Variants in KIAA0040 observed in about 807,000 individuals in gnomAD.
KIAA0040 encodes the protein uncharacterized protein KIAA0040.
KIAA0040 carries 10 observed loss-of-function variants against 7.2 expected under a neutral mutation model. The ratio of observed to expected loss-of-function variants is 1.38; its 90% CI spans 0.85 to 2.34. The LOEUF (loss-of-function observed/expected upper bound fraction) is 2.34. Ranked by LOEUF, KIAA0040 falls within the 30% of genes most tolerant of loss-of-function variation. KIAA0040 has a pLI of 0.00. For synonymous variants in KIAA0040, 49 were observed against 40.1 expected (o/e 1.22, Z -0.84); for missense variants, 89 against 108.2 (o/e 0.82, Z 0.79).
At chr1:175,166,982 C>T (rs571782233) in intron 2 of KIAA0040, among the ~76,000 whole-genome samples, 8 of 152,262 alleles carry the variant, frequency 5.3e-5, no homozygotes, top group African/African-American at 1.7e-4. Flanking sequence ...AAACCAGATC[C>T]CTGTCCTTTC....
intron 1 of KIAA0040, among the ~76,000 whole-genome samples, chr1:175,186,903 G>C (rs1033209861): frequency 1.3e-5 from 2 of 152,172 alleles, no homozygotes; most frequent in African/African-American, 2.4e-5. Flanking sequence ...AATGATGTGG[G>C]TCACCCATGT....
chr1:175,171,486 G>T (rs902248280), intron 2 of KIAA0040, among the ~76,000 whole-genome samples: 2 of 152,212 alleles, frequency 1.3e-5, no homozygotes, highest in African/African-American at 4.8e-5. Flanking sequence ...GGCAAACCAG[G>T]TCACTGGGGA....
intron 1 of KIAA0040, among the ~76,000 whole-genome samples, chr1:175,189,412 T>A (rs1368626985): frequency 6.6e-6 from 1 of 152,204 alleles, no homozygotes; most frequent in Non-Finnish European, 1.5e-5. Flanking sequence ...GCAGGTGGAA[T>A]ATTGGTGCTT....
rs958949018 is a variant in KIAA0040 at position 175,157,653 on chromosome 1, G to T, written c.*3061C>A. On this transcript the variant is annotated 3_prime_UTR_variant, in exon 4 of 4. Transcript: ENST00000423313. The stretch of plus-strand genomic sequence containing the variant: ...GACCCTTTATATTTTTCTTGGAAAG[G>T]TGGCTGCCATTTTTCTACCTTTCTC... 6.6e-6 allele frequency: 1 copy of T among 151,938 alleles called. No homozygotes were observed. Among genetic ancestry groups the T allele is most frequent in the African/African-American group, 2.4e-5 (1 of 41,328 alleles). 9.4% of individuals were successfully genotyped at this position (151,938 alleles called of 1,614,324 possible). A position where few individuals can be genotyped will look rare whatever the true frequency, so the allele number is the denominator to read the frequency against.
At chr1:175,170,096 G>A (rs958858136) in intron 2 of KIAA0040, among the ~76,000 whole-genome samples, 1 of 152,130 alleles carries the variant, frequency 6.6e-6, no homozygotes, top group African/African-American at 2.4e-5. Flanking sequence ...GAGATCTCGG[G>A]GTGCTAAGGA....
At chr1:175,181,186 G>A (rs1677425769) in intron 1 of KIAA0040, among the ~76,000 whole-genome samples, 1 of 151,134 alleles carries the variant, frequency 6.6e-6, no homozygotes, top group Non-Finnish European at 1.5e-5. Context: ...ATTTTATTTG[G>A]TAACTTCTGC....
intron 3 of KIAA0040, among the ~76,000 whole-genome samples, chr1:175,163,160 C>G (rs562843909): frequency 6.6e-5 from 10 of 152,306 alleles, no homozygotes; most frequent in African/African-American, 1.7e-4. Context: ...CCTCCTATTC[C>G]TTTGTGTGGA....
At chr1:175,162,339 C>A (rs79093624) in intron 3 of KIAA0040, among the ~76,000 whole-genome samples, 2,164 of 152,138 alleles carry the variant, frequency 0.014, 57 homozygotes, top group African/African-American at 0.05. Flanking sequence ...GATAAAGAAT[C>A]TGGGGTCCAG....
At chr1:175,165,207 G>A (rs527546908) in intron 3 of KIAA0040, among the ~76,000 whole-genome samples, 1 of 152,250 alleles carries the variant, frequency 6.6e-6, no homozygotes, top group East Asian at 1.9e-4. Flanking sequence ...GTGACGATGG[G>A]AAACAGTGAT....
At chr1:175,174,272 C>A (rs1412378146) in intron 2 of KIAA0040, among the ~76,000 whole-genome samples, 2 of 152,172 alleles carry the variant, frequency 1.3e-5, no homozygotes, top group African/African-American at 2.4e-5. Context: ...ATGGACTGAT[C>A]CTGATCTGTG....
intron 2 of KIAA0040, among the ~76,000 whole-genome samples, chr1:175,168,387 CT>C (rs901255705): frequency 9.2e-5 from 14 of 152,092 alleles, no homozygotes; most frequent in Admixed American, 5.9e-4. Flanking sequence ...CGGAAGCTCT[CT>C]TTTCCCCCCA....
At chr1:175,168,178 C>A (rs999853891) in intron 2 of KIAA0040, among the ~76,000 whole-genome samples, 1 of 152,174 alleles carries the variant, frequency 6.6e-6, no homozygotes, top group Non-Finnish European at 1.5e-5. Flanking sequence ...TGGTTCTCAC[C>A]TTGCTAACCT....
chr1:175,168,822 A>T (rs917712641), intron 2 of KIAA0040, among the ~76,000 whole-genome samples: 1 of 152,164 alleles, frequency 6.6e-6, no homozygotes, highest in Non-Finnish European at 1.5e-5. Context: ...GAGTGAGACC[A>T]TACTTCTCAG....
chr1:175,160,784 T>G lies in KIAA0040; in HGVS notation c.230A>C (p.Glu77Ala). The change falls in exon 4 of 4, where the codon GAA (glutamate) becomes GCA (alanine). Residue 77 changes from glutamate (E) to alanine (A), a missense_variant. Transcript: ENST00000423313. ...KKKKKKKKKD[E>A]EDLWISAQPK... is the part of the protein sequence containing the mutation. ...TTGAGCAGAGATCCAGAGGTCTTCT[T>G]CATCCTTCTTCTTCTTCTTCTTCTT... is the stretch of plus-strand genomic sequence containing the variant. 6.5e-7 allele frequency: 1 copy of G among 1,531,682 alleles called. No homozygotes were observed. The highest frequency in any genetic ancestry group is 8.8e-7 in the Non-Finnish European group (1 of 1,138,460). The allele number at this position is 1,531,682 out of a possible 1,614,324, so 94.9% of individuals were successfully genotyped here.
chr1:175,184,769 T>C (rs76624086), intron 1 of KIAA0040, among the ~76,000 whole-genome samples: 6,519 of 152,244 alleles, frequency 0.043, 194 homozygotes, highest in Non-Finnish European at 0.065. Context: ...GAGACTTAGA[T>C]TTCATCTCCT....
At chr1:175,186,012 G>C (rs940509248) in intron 1 of KIAA0040, among the ~76,000 whole-genome samples, 7 of 152,178 alleles carry the variant, frequency 4.6e-5, no homozygotes, top group African/African-American at 9.7e-5. Flanking sequence ...ATGCAGATTG[G>C]TGGTTGCTGG....
chr1:175,168,177 C>T (rs926403179), intron 2 of KIAA0040, among the ~76,000 whole-genome samples: 4 of 152,194 alleles, frequency 2.6e-5, no homozygotes, highest in African/African-American at 9.7e-5. Flanking sequence ...ATGGTTCTCA[C>T]CTTGCTAACC....
At chr1:175,180,555 T>C (rs1213715537) in intron 1 of KIAA0040, among the ~76,000 whole-genome samples, 1 of 152,230 alleles carries the variant, frequency 6.6e-6, no homozygotes, top group Non-Finnish European at 1.5e-5. Flanking sequence ...ATTTTGGGTT[T>C]GGAGAGCTCT....
At position 175,162,903 on chromosome 1, in the gene KIAA0040, A is replaced by G. The variant is rs1676603773; in HGVS notation, c.-133-1757T>C. 2.0e-5 allele frequency among the ~76,000 whole-genome samples: 3 copies of G among 152,258 alleles called. No individual in the cohort carries two copies. In the South Asian group the frequency reaches 6.2e-4, roughly 31 times the overall value. ...GCCCAAAGAAATGTTATAGGATGAC[A>G]ATAATAATTGTAGCCAACTTTTAGT... On this transcript the variant is annotated intron_variant, in intron 3 of 3. Coordinates refer to ENST00000423313, the MANE Select transcript of KIAA0040 (RefSeq NM_014656.3).
Sources: allele counts gnomAD v4.1 joint callset (sites outside exome capture counted in the v4.1 genomes callset), GRCh38; gene constraint gnomAD v4.1.1; transcripts MANE v1.5; gene names NCBI Gene and HGNC (gene_info 2026-07-23, HGNC 2026-07-21).